TFRC: variants seen among roughly 807,000 people sequenced by gnomAD.
The protein encoded by TFRC is transferrin receptor, also known as transferrin receptor protein 1.
Under a neutral mutation model 85.8 loss-of-function variants are expected in TFRC, and 35 were observed. The observed-to-expected ratio is 0.41, with a 90% CI of 0.31 to 0.54. TFRC has a LOEUF of 0.54. TFRC is among the 20% of genes least tolerant of loss of function. TFRC has a pLI of 0.31. For synonymous variants in TFRC, 362 were observed against 328.6 expected (o/e 1.10, Z -1.10); for missense variants, 828 against 921.5 (o/e 0.90, Z 1.31).
rs1716236362 is a variant in TFRC at position 196,050,639 on chromosome 3, A to G, written c.*1303T>C. On this transcript the variant is annotated 3_prime_UTR_variant, in exon 19 of 19. Coordinates refer to ENST00000360110, the MANE Select transcript of TFRC (RefSeq NM_001128148.3). ...GTGACAAAGGTACTGGAAATTTTGC[A>G]AAATGGGAATTAGAGTTACACCTTG... 1 of 203,738 alleles carries G rather than the reference A, an allele frequency of 4.9e-6. No homozygotes were observed. The highest frequency in any genetic ancestry group is 6.0e-5 in the Admixed American group (1 of 16,738). 12.6% of individuals were successfully genotyped at this position (203,738 alleles called of 1,614,324 possible).
Position 196,065,578 on chromosome 3 carries a change from A to G in TFRC, c.1063T>C (p.Ser355Pro). Residue 355 changes from serine to proline, a missense_variant, in exon 10 of 19, where the codon TCT becomes CCT. Transcript: ENST00000360110. ...LFGNMEGDCPSDWKTDSTCRM... is the reference protein window; with the variant it reads ...LFGNMEGDCPPDWKTDSTCRM... Reference sequence around the variant, plus strand: ...CATGTAGAGTCTGTTTTCCAGTCAGAGGGACAGTCTCCTTCCATATTCCTA... The same window carrying G: ...CATGTAGAGTCTGTTTTCCAGTCAGGGGGACAGTCTCCTTCCATATTCCTA... 1 of 1,608,324 alleles carries G rather than the reference A, an allele frequency of 6.2e-7. No homozygotes were observed. The highest frequency in any genetic ancestry group is 8.5e-7 in the Non-Finnish European group (1 of 1,178,724).
chr3:196,053,295 C>T, intron 18 of TFRC, 123 bp downstream of exon 18: 6 of 1,074,984 alleles, frequency 5.6e-6, no homozygotes, highest in South Asian at 4.4e-5. Context: ...GACAGCTAAA[C>T]CATTAATGCT....
intron 9 of TFRC, among the ~76,000 whole-genome samples, 181 bp downstream of exon 9, chr3:196,067,334 CATT>C (rs1409615484): frequency 6.6e-6 from 1 of 152,200 alleles, no homozygotes; most frequent in Non-Finnish European, 1.5e-5. Context: ...GTCCAAAGTC[CATT>C]ATTAAGATCT....
At chr3:196,054,446 A>C (rs1025501542) in intron 17 of TFRC, among the ~76,000 whole-genome samples, 1 of 152,168 alleles carries the variant, frequency 6.6e-6, no homozygotes, top group African/African-American at 2.4e-5. Context: ...AAAAGATATA[A>C]AAAGATTCGG....
At chr3:196,061,143 A>G (rs1416536409) in intron 13 of TFRC, among the ~76,000 whole-genome samples, 1 of 152,202 alleles carries the variant, frequency 6.6e-6, no homozygotes, top group East Asian at 1.9e-4. Context: ...TGTTGAATGT[A>G]CAGCTGCACT....
rs760401561 is a variant in TFRC at position 196,053,584 on chromosome 3, G to C, written c.1900-26C>G. On this transcript the variant is annotated intron_variant, in intron 17 of 18. Coordinates refer to ENST00000360110, the MANE Select transcript of TFRC (RefSeq NM_001128148.3). ...CTGAAACAGACATTATTCGCTATGA[G>C]AAGTTTTATTTCTAAGGACATTCTT... 1.9e-6 allele frequency: 3 copies of C among 1,612,348 alleles called. No homozygotes were observed. In the Admixed American group the frequency reaches 5.0e-5, roughly 27 times the overall value.
rs41297537 is a variant in TFRC at position 196,055,316 on chromosome 3, G to A, written c.1678-15C>T. The A allele has an allele frequency of 5.5e-3, 8,908 of 1,605,138 alleles. 427 individuals carry two copies. The African/African-American group carries it at 0.11, about 19-fold the overall frequency. Reference sequence around the variant, plus strand: ...TAATCTGTGTCCTGCAAGACAACGCGAGGCTATGGTACTCACGTGAGTTCT... The same window carrying A: ...TAATCTGTGTCCTGCAAGACAACGCAAGGCTATGGTACTCACGTGAGTTCT... On this transcript the variant is annotated splice_polypyrimidine_tract_variant and intron_variant, in intron 16 of 18. Coordinates refer to ENST00000360110, the MANE Select transcript of TFRC (RefSeq NM_001128148.3).
chr3:196,052,037 G>T lies in TFRC; in HGVS notation c.2188C>A (p.Leu730Met). 6.2e-7 allele frequency: 1 copy of T among 1,614,180 alleles called. No individual in the cohort carries two copies. Among genetic ancestry groups the T allele is most frequent in the Non-Finnish European group, 8.5e-7 (1 of 1,180,026 alleles). The change falls in exon 19 of 19, where the codon CTG becomes ATG. Residue 730 changes from leucine (L) to methionine (M), a missense_variant. Coordinates refer to ENST00000360110, the MANE Select transcript of TFRC (RefSeq NM_001128148.3). The part of the protein sequence containing the change: ...KQNNGAFNET[L>M]FRNQLALATW... The stretch of plus-strand genomic sequence containing the variant: ...GCTAGAGCCAACTGGTTTCTGAACA[G>T]CGTTTCATTAAAAGCACCGTTATTT...
rs1438535006 is a variant in TFRC, at chr3:196,072,107, T to C, written c.480A>G (p.Gln160=). 1 of 1,614,076 alleles carries C rather than the reference T, an allele frequency of 6.2e-7. No homozygotes were observed. Among genetic ancestry groups the C allele is most frequent in the Non-Finnish European group, 8.5e-7 (1 of 1,180,042 alleles). ...CATACAACGCAAGATTTTCATCTTT[T>C]TGAGATCCAGCCTCACGAGGGACAT... ...NSYVPREAGS[Q]KDENLALYVE... Residue 160 remains glutamine, a synonymous_variant, in exon 5 of 19, where the codon CAA becomes CAG. Coordinates refer to ENST00000360110, the MANE Select transcript of TFRC (RefSeq NM_001128148.3).
At chr3:196,058,746 T>C (rs1239483297) in intron 14 of TFRC, 114 bp from the exon 15 acceptor site, 22 of 595,722 alleles carry the variant, frequency 3.7e-5, no homozygotes, top group Non-Finnish European at 5.8e-5. Flanking sequence ...TATTATATCT[T>C]CTTGAAAAGA....
In TFRC at chr3:196,053,311, C is replaced by T. The variant is rs2108633804; in HGVS notation, c.2040+107G>A. 6 of 1,284,828 alleles carry T rather than the reference C, an allele frequency of 4.7e-6. No individual in the cohort carries two copies. The East Asian group carries it at 1.4e-4, about 30-fold the overall frequency. 79.6% of individuals were successfully genotyped at this position (1,284,828 alleles called of 1,614,324 possible). A position where few individuals can be genotyped will look rare whatever the true frequency, so the allele number is the denominator to read the frequency against. On this transcript the variant is annotated intron_variant, in intron 18 of 18. Coordinates refer to ENST00000360110, the MANE Select transcript of TFRC (RefSeq NM_001128148.3). ...ACAGCTAAACCATTAATGCTCCCTT[C>T]TTAAAGGAATTCTAGACTCCTAGAG...
rs758125441 is a variant in TFRC at position 196,075,384 on chromosome 3, TGAA to T, written c.37-27_37-25del. On this transcript the variant is annotated intron_variant, in intron 2 of 18. Coordinates refer to ENST00000360110, the MANE Select transcript of TFRC (RefSeq NM_001128148.3). The stretch of plus-strand genomic sequence containing the variant: ...AACTGTGTTGCGGAAAAAGGCATGA[TGAA>T]GAACAGGCACGGGAATGTTTAGGAA... The T allele has an allele frequency of 1.6e-5, 25 of 1,612,298 alleles. No individual in the cohort carries two copies. In the South Asian group the frequency reaches 2.2e-4, roughly 14 times the overall value.
At chr3:196,052,429 G>A (rs1453103025) in intron 18 of TFRC, among the ~76,000 whole-genome samples, 1 of 151,354 alleles carries the variant, frequency 6.6e-6, no homozygotes, top group Non-Finnish European at 1.5e-5. Context: ...ACAGGTGTGA[G>A]CCACCGTGCC....
chr3:196,056,045 CTGCAGCCTTGAGA>C (rs1716764469), intron 16 of TFRC, among the ~76,000 whole-genome samples: 1 of 151,690 alleles, frequency 6.6e-6, no homozygotes. Context: ...TCATGGCTCC[CTGCAGCCTTGAGA>C]CGAGGTCACT....
chr3:196,060,825 A>AAAAAAAAAAT lies in TFRC; in HGVS notation c.1469-579_1469-578insATTTTTTTTT, dbSNP rs1310502711. ...AAAAAAAAAAAAAAAAAAAAAAAAA[A>AAAAAAAAAAT]ATCAGACCAGTTTTAGGTTCAGCAG... On this transcript the variant is annotated intron_variant, in intron 13 of 18. Coordinates refer to ENST00000360110, the MANE Select transcript of TFRC (RefSeq NM_001128148.3). 5.0e-5 allele frequency among the ~76,000 whole-genome samples: 7 copies of AAAAAAAAAAT among 141,148 alleles called. No individual in the cohort carries two copies. In the South Asian group the frequency reaches 7.3e-4, roughly 15 times the overall value. 92.6% of individuals were successfully genotyped at this position (141,148 alleles called of 152,430 possible).
intron 11 of TFRC, 96 bp downstream of exon 11, chr3:196,064,213 C>G (rs1398211799): frequency 2.4e-5 from 32 of 1,317,806 alleles, no homozygotes; most frequent in Non-Finnish European, 3.1e-5. Flanking sequence ...AGCATGAGAA[C>G]CACAGGAATG....
intron 11 of TFRC, chr3:196,063,212 G>A: frequency 3.3e-6 from 1 of 302,712 alleles, no homozygotes; most frequent in Non-Finnish European, 6.2e-6. Context: ...ACATAGCAGG[G>A]GCCAGTAGTC....
At chr3:196,076,767 C>T (rs1718740979) in intron 2 of TFRC, among the ~76,000 whole-genome samples, 1 of 152,192 alleles carries the variant, frequency 6.6e-6, no homozygotes, top group South Asian at 2.1e-4. Flanking sequence ...CAAGCCTTTG[C>T]TTTTTACTTC....
rs1292617534 is a variant in TFRC at position 196,050,471 on chromosome 3, G to GA, written c.*1470dup. 1 of 205,534 alleles carries GA rather than the reference G, an allele frequency of 4.9e-6. No homozygotes were observed. The highest frequency in any genetic ancestry group is 2.3e-5 in the African/African-American group (1 of 43,884). The allele number at this position is 205,534 out of a possible 1,614,324, so 12.7% of individuals were successfully genotyped here. On this transcript the variant is annotated 3_prime_UTR_variant, in exon 19 of 19. Coordinates refer to ENST00000360110, the MANE Select transcript of TFRC (RefSeq NM_001128148.3). ...TGTCATTGCATGAAGAAAATTATGG[G>GA]AAACACTGTTCCCGATAATTACTTA...
Sources: allele counts gnomAD v4.1 joint callset (sites outside exome capture counted in the v4.1 genomes callset), GRCh38; gene constraint gnomAD v4.1.1; transcripts MANE v1.5; gene names NCBI Gene and HGNC (gene_info 2026-07-23, HGNC 2026-07-21).